ZNF331: variants seen among roughly 807,000 people sequenced by gnomAD.
The protein encoded by ZNF331 is zinc finger protein 331.
In ZNF331, 2 loss-of-function variants were observed where a neutral mutation model predicts 7.0. The ratio of observed to expected loss-of-function variants is 0.29; its 90% CI spans 0.12 to 0.90. ZNF331 has a LOEUF of 0.90. Among genes scored for constraint, ZNF331 ranks in the 40% least tolerant of loss-of-function variants. The pLI is 0.58. For synonymous variants in ZNF331, 196 were observed against 205.4 expected (o/e 0.95, Z 0.39); for missense variants, 432 against 587.7 (o/e 0.74, Z 2.74).
intron 2 of ZNF331, among the ~76,000 whole-genome samples, chr19:53,544,312 A>G (rs900786160): frequency 5.7e-4 from 86 of 150,134 alleles, no homozygotes; most frequent in South Asian, 1.3e-3. Flanking sequence ...TTGGGAGGCC[A>G]AGGTGGGCGG....
chr19:53,550,576 A>G (rs2088929209), intron 2 of ZNF331, among the ~76,000 whole-genome samples: 1 of 109,724 alleles, frequency 9.1e-6, no homozygotes, highest in East Asian at 2.9e-4. Context: ...TCGCTGTATC[A>G]CCCATGCTGG....
chr19:53,531,983 ATTT>A (rs2087559688), intron 2 of ZNF331, among the ~76,000 whole-genome samples: 1 of 151,658 alleles, frequency 6.6e-6, no homozygotes, highest in African/African-American at 2.4e-5. Context: ...TTTATTTTTT[ATTT>A]TTATTTGATA....
chr19:53,553,554 T>C (rs1568496572), intron 2 of ZNF331, among the ~76,000 whole-genome samples: 1 of 152,222 alleles, frequency 6.6e-6, no homozygotes, highest in East Asian at 1.9e-4. Flanking sequence ...CTCTAGCTAT[T>C]TCCTTGGGAT....
upstream of ZNF331, among the ~76,000 whole-genome samples, chr19:53,535,959 A>T (rs2087732030): frequency 6.6e-6 from 1 of 152,034 alleles, no homozygotes; most frequent in Non-Finnish European, 1.5e-5. Flanking sequence ...TCTCACCACC[A>T]TGCCCGGCTA....
At chr19:53,534,708 A>G (rs2087673608), upstream of ZNF331, among the ~76,000 whole-genome samples, 1 of 152,214 alleles carries the variant, frequency 6.6e-6, no homozygotes. Context: ...CTTTTAAGGA[A>G]CTTTGTAATT....
In ZNF331 at chr19:53,568,516, C is replaced by G. The variant is rs371681925; in HGVS notation, c.-73-788C>G. 5.9e-5 allele frequency among the ~76,000 whole-genome samples: 9 copies of G among 152,256 alleles called. No individual in the cohort carries two copies. The East Asian group carries it at 1.5e-3, about 26-fold the overall frequency. ...GTCCAGGTCAGCTGATACTGCGTGA[C>G]CAAAAGCTCCTACCCCGAATCCCTT... On this transcript the variant is annotated intron_variant, in intron 3 of 5. Transcript: ENST00000449416.
At chr19:53,506,372 C>CCATT in the ZNF331 span, among the ~76,000 whole-genome samples, 65 of 150,398 alleles carry the variant, frequency 4.3e-4, 1 homozygote, top group East Asian at 0.012. Flanking sequence ...CACACCTCCC[C>CCATT]CATTGTCCTG....
At chr19:53,557,037 C>G (rs950388414) in intron 3 of ZNF331, among the ~76,000 whole-genome samples, 1 of 129,116 alleles carries the variant, frequency 7.7e-6, no homozygotes, top group Admixed American at 9.3e-5. Context: ...CCAGGCTGGT[C>G]GTGAACTCCT....
intron 4 of ZNF331, among the ~76,000 whole-genome samples, chr19:53,570,527 C>T (rs1326671017): frequency 6.6e-6 from 1 of 151,828 alleles, no homozygotes; most frequent in Non-Finnish European, 1.5e-5. Flanking sequence ...ACATGCAAAC[C>T]GTATTTTCTT....
At chr19:53,538,327 G>T (rs2087879648) in intron 1 of ZNF331, 31 bp downstream of exon 1, 1 of 152,250 alleles carries the variant, frequency 6.6e-6, no homozygotes, top group South Asian at 2.1e-4. Flanking sequence ...TCCGAGGGGA[G>T]ACGGGCACGG....
chr19:53,534,506 C>T (rs147697445), upstream of ZNF331, among the ~76,000 whole-genome samples: 2,092 of 152,174 alleles, frequency 0.014, 46 homozygotes, highest in African/African-American at 0.047. Flanking sequence ...AGGCTGGTCT[C>T]GAACTCTTGA....
intron 2 of ZNF331, among the ~76,000 whole-genome samples, chr19:53,528,840 A>G (rs1453185728): frequency 3.3e-5 from 5 of 151,650 alleles, no homozygotes; most frequent in Admixed American, 3.3e-4. Flanking sequence ...GCTGGAGTGC[A>G]GTGGCGCAAT....
At chr19:53,503,379 G>A in the ZNF331 span, 4 of 468,030 alleles carry the variant, frequency 8.5e-6, no homozygotes, top group Non-Finnish European at 1.6e-5. Context: ...AGCAGCCTGT[G>A]GGAACTGACA....
Sources: gnomAD v4.1 joint callset for allele counts (sites outside exome capture counted in the v4.1 genomes callset) on GRCh38, gnomAD v4.1.1 for gene constraint, MANE v1.5 for transcripts, NCBI Gene and HGNC (gene_info 2026-07-23, HGNC 2026-07-21) for gene names.